Variants in POR observed in about 807,000 individuals in gnomAD.
POR encodes cytochrome p450 oxidoreductase.
In POR, 56 loss-of-function variants were observed where a neutral mutation model predicts 84.0. That is an observed-to-expected ratio of 0.67 (90% CI 0.54 to 0.83). POR has a LOEUF of 0.83. Among genes scored for constraint, POR ranks in the 40% least tolerant of loss-of-function variants. POR has a pLI of 0.00. For synonymous variants in POR, 414 were observed against 400.5 expected (o/e 1.03, Z -0.40); for missense variants, 938 against 944.3 (o/e 0.99, Z 0.09).
rs1554557337 is a variant in POR at position 75,979,591 on chromosome 7, C to T, written c.366+12C>T. ...AGGAGTATGACCTGGTAAGCTGCCA[C>T]CGCGTGCTGGCCCCAGATGGAGGCA... On this transcript the variant is annotated intron_variant, in intron 4 of 15. Coordinates refer to ENST00000461988, the MANE Select transcript of POR (RefSeq NM_000941.3). 1.9e-6 allele frequency: 3 copies of T among 1,612,524 alleles called. No homozygotes were observed. Among genetic ancestry groups the T allele is most frequent in the Non-Finnish European group, 2.5e-6 (3 of 1,179,636 alleles).
chr7:75,980,318 G>A (rs1788940415), intron 4 of POR, 21 bp from the exon 5 acceptor site: 1 of 1,609,416 alleles, frequency 6.2e-7, no homozygotes. Flanking sequence ...CCGGGGCGCG[G>A]TCCTGTCCCT....
chr7:75,956,393 A>G (rs1399507382), intron 2 of POR, among the ~76,000 whole-genome samples: 2 of 152,232 alleles, frequency 1.3e-5, no homozygotes, highest in African/African-American at 4.8e-5. Flanking sequence ...TGTCCCAGAC[A>G]CTATGCTAAG....
At chr7:75,962,153 T>C (rs1433724942) in intron 2 of POR, among the ~76,000 whole-genome samples, 1 of 152,244 alleles carries the variant, frequency 6.6e-6, no homozygotes, top group African/African-American at 2.4e-5. Flanking sequence ...CCTGATTGAC[T>C]GATGTTTGAT....
chr7:75,978,405 TTAAG>T (rs1185679150), intron 3 of POR, among the ~76,000 whole-genome samples: 8 of 152,184 alleles, frequency 5.3e-5, no homozygotes, highest in Admixed American at 4.6e-4. Flanking sequence ...TTACATTACA[TTAAG>T]TATTACATTA....
chr7:75,939,763 A>G (rs1807876905), intron 1 of POR, among the ~76,000 whole-genome samples: 1 of 151,492 alleles, frequency 6.6e-6, no homozygotes, highest in South Asian at 2.1e-4. Flanking sequence ...GTGCGCCACC[A>G]TACTTGGCTA....
chr7:75,985,447 TC>T, intron 12 of POR, 131 bp from the exon 13 acceptor site: 1 of 1,235,506 alleles, frequency 8.1e-7, no homozygotes. Context: ...GGAGGGGGCC[TC>T]TGAGGTTTGG....
At chr7:75,964,344 G>A (rs1488332190) in intron 2 of POR, among the ~76,000 whole-genome samples, 2 of 151,688 alleles carry the variant, frequency 1.3e-5, no homozygotes, top group African/African-American at 2.4e-5. Flanking sequence ...TCTCGCTCCT[G>A]TCCCCCAGGC....
intron 3 of POR, among the ~76,000 whole-genome samples, chr7:75,978,633 C>T (rs1788814909): frequency 6.6e-6 from 1 of 152,170 alleles, no homozygotes; most frequent in Non-Finnish European, 1.5e-5. Flanking sequence ...AAGCGATTCT[C>T]CTGCCTCAGC....
intron 3 of POR, among the ~76,000 whole-genome samples, chr7:75,974,169 C>T (rs1554556554): frequency 6.6e-6 from 1 of 152,150 alleles, no homozygotes; most frequent in East Asian, 1.9e-4. Flanking sequence ...CTCTTTGGCT[C>T]TTACCAACAA....
Position 75,981,208 on chromosome 7 carries a change from G to A in POR, c.641+36G>A, listed in dbSNP as rs1258994394. On this transcript the variant is annotated intron_variant, in intron 6 of 15. Transcript: ENST00000461988. ...ACCCTGCCACCATGATCAGCGCGGCGGGCTTAGGCAGGGGCCGTGGAACGT... is the reference window on the plus strand; with the variant it reads ...ACCCTGCCACCATGATCAGCGCGGCAGGCTTAGGCAGGGGCCGTGGAACGT... 2.7e-5 allele frequency: 41 copies of A among 1,501,856 alleles called. 1 individual carries two copies. Among genetic ancestry groups the A allele is most frequent in the South Asian group, 8.9e-5 (7 of 78,560 alleles). 93.0% of individuals were successfully genotyped at this position (1,501,856 alleles called of 1,614,324 possible). A position where few individuals can be genotyped will look rare whatever the true frequency, so the allele number is the denominator to read the frequency against.
At chr7:75,941,204 A>T (rs1807963182) in intron 1 of POR, among the ~76,000 whole-genome samples, 1 of 152,084 alleles carries the variant, frequency 6.6e-6, no homozygotes, top group Admixed American at 6.6e-5. Flanking sequence ...GGAACCTGAG[A>T]TCCCACAGCC....
At chr7:75,959,614 C>G (rs1296729891) in intron 2 of POR, among the ~76,000 whole-genome samples, 5 of 152,082 alleles carry the variant, frequency 3.3e-5, no homozygotes, top group African/African-American at 1.2e-4. Flanking sequence ...CACCATGATG[C>G]CCGGCTAATT....
chr7:75,944,646 A>C lies in POR; in HGVS notation c.-4-9343A>C, dbSNP rs1043399921. On this transcript the variant is annotated intron_variant, in intron 1 of 15. Transcript: ENST00000461988. ...CCACAAAACTCTCAACTTGAATGAG[A>C]AAAGAGAGTCAACAGACACCAGCAT... Among the ~76,000 whole-genome samples the C allele has an allele frequency of 2.0e-5, 3 of 152,340 alleles. No homozygotes were observed. In the South Asian group the frequency reaches 6.2e-4, roughly 32 times the overall value.
At chr7:75,925,486 CG>C (rs1554549351) in intron 1 of POR, among the ~76,000 whole-genome samples, 1 of 152,158 alleles carries the variant, frequency 6.6e-6, no homozygotes, top group African/African-American at 2.4e-5. Context: ...GATTGCACCA[CG>C]ACACTGCAGC....
At chr7:75,935,112 A>G (rs1807602196) in intron 1 of POR, among the ~76,000 whole-genome samples, 1 of 152,050 alleles carries the variant, frequency 6.6e-6, no homozygotes. Flanking sequence ...CTCGGATTGA[A>G]CCCTGCAAAG....
chr7:75,939,853 C>T (rs1370649805), intron 1 of POR, among the ~76,000 whole-genome samples: 1 of 151,932 alleles, frequency 6.6e-6, no homozygotes, highest in Non-Finnish European at 1.5e-5. Flanking sequence ...AGTGATCCAC[C>T]CGCCTCAGCC....
chr7:75,918,636 T>C (rs1806696105), intron 1 of POR: 1 of 152,062 alleles, frequency 6.6e-6, no homozygotes, highest in Non-Finnish European at 1.5e-5. Flanking sequence ...GTGTAGGCTC[T>C]GGTTTGGGCA....
At chr7:75,924,046 A>G (rs549085363) in intron 1 of POR, among the ~76,000 whole-genome samples, 7 of 152,246 alleles carry the variant, frequency 4.6e-5, no homozygotes, top group African/African-American at 1.7e-4. Flanking sequence ...GCTTTGTTGC[A>G]TCTTCTATCC....
At chr7:75,970,133 CG>C (rs1554555923) in intron 2 of POR, among the ~76,000 whole-genome samples, 2 of 151,988 alleles carry the variant, frequency 1.3e-5, no homozygotes, top group East Asian at 3.9e-4. Context: ...CGGGCCACTG[CG>C]GGAGGGGTGT....
Sources: gnomAD v4.1 joint callset for allele counts (sites outside exome capture counted in the v4.1 genomes callset) on GRCh38, gnomAD v4.1.1 for gene constraint, MANE v1.5 for transcripts, NCBI Gene and HGNC (gene_info 2026-07-23, HGNC 2026-07-21) for gene names.